The following ERICH1 variants were observed in gnomAD, a reference collection of about 807,000 sequenced individuals.
The protein encoded by ERICH1 is glutamate-rich protein 1.
A neutral mutation model predicts 39.6 loss-of-function variants in ERICH1; 56 were observed. The observed-to-expected ratio is 1.41, with a 90% CI of 1.14 to 1.77. The LOEUF (loss-of-function observed/expected upper bound fraction) is 1.77. Ranked by LOEUF, ERICH1 falls within the 40% of genes most tolerant of loss-of-function variation. The pLI, the probability that ERICH1 is intolerant of heterozygous loss-of-function variation, is 0.00. For synonymous variants in ERICH1, 313 were observed against 223.6 expected (o/e 1.40, Z -3.57); for missense variants, 826 against 575.4 (o/e 1.44, Z -4.45).
chr8:709,560 T>C (rs921996178), intron 2 of ERICH1, among the ~76,000 whole-genome samples: 2 of 152,212 alleles, frequency 1.3e-5, no homozygotes, highest in African/African-American at 4.8e-5. Context: ...CTCACATCAG[T>C]ATTTTGACTT....
intron 3 of ERICH1, among the ~76,000 whole-genome samples, chr8:658,129 G>A (rs1264455293): frequency 1.3e-5 from 2 of 152,210 alleles, no homozygotes; most frequent in Non-Finnish European, 2.9e-5. Context: ...CTCTGGCTGG[G>A]CCCCAGTCTT....
chr8:635,409 C>T (rs1459837076), intron 3 of ERICH1, among the ~76,000 whole-genome samples: 1 of 152,210 alleles, frequency 6.6e-6, no homozygotes, highest in African/African-American at 2.4e-5. Context: ...GGGCTCATCA[C>T]CACTAACAAT....
chr8:637,095 G>C (rs1474886846), intron 3 of ERICH1, among the ~76,000 whole-genome samples: 5 of 152,246 alleles, frequency 3.3e-5, no homozygotes, highest in Non-Finnish European at 7.3e-5. Flanking sequence ...TTGCCTGAAG[G>C]CTAACGACAC....
intron 2 of ERICH1, among the ~76,000 whole-genome samples, chr8:698,267 G>A (rs997773288): frequency 6.6e-6 from 1 of 150,648 alleles, no homozygotes; most frequent in African/African-American, 2.4e-5. Context: ...CACCCAGGCT[G>A]GAGTGCAGCG....
intron 3 of ERICH1, among the ~76,000 whole-genome samples, chr8:650,139 G>A (rs1175731062): frequency 3.9e-5 from 6 of 152,340 alleles, no homozygotes; most frequent in Admixed American, 3.9e-4. Context: ...AGCGCGCAGA[G>A]CTGAGGGCGC....
At chr8:628,744 T>C (rs545965653) in intron 3 of ERICH1, among the ~76,000 whole-genome samples, 1 of 152,308 alleles carries the variant, frequency 6.6e-6, no homozygotes, top group African/African-American at 2.4e-5. Context: ...TACCCTCACG[T>C]AGTCCCTGAA....
At chr8:655,077 A>G (rs1214368133) in intron 3 of ERICH1, among the ~76,000 whole-genome samples, 1 of 152,114 alleles carries the variant, frequency 6.6e-6, no homozygotes, top group Non-Finnish European at 1.5e-5. Flanking sequence ...CAAAAAGGAA[A>G]ACCAACCCCG....
chr8:656,799 C>T, intron 3 of ERICH1: 1 of 985,488 alleles, frequency 1.0e-6, no homozygotes, highest in Non-Finnish European at 1.2e-6. Flanking sequence ...CCCAGACTCC[C>T]AGCCTCAGGA....
intron 2 of ERICH1, among the ~76,000 whole-genome samples, chr8:697,063 G>A (rs1362964314): frequency 6.6e-6 from 1 of 152,186 alleles, no homozygotes; most frequent in African/African-American, 2.4e-5. Flanking sequence ...CCTCCCAGGA[G>A]GCAGCTGGCC....
chr8:657,748 A>G (rs1357894971), intron 3 of ERICH1, among the ~76,000 whole-genome samples: 1 of 152,008 alleles, frequency 6.6e-6, no homozygotes, highest in African/African-American at 2.4e-5. Flanking sequence ...ATGTCATGCC[A>G]TGTTAAATTA....
intron 3 of ERICH1, among the ~76,000 whole-genome samples, chr8:681,315 T>C (rs535013064): frequency 2.0e-5 from 3 of 152,176 alleles, no homozygotes; most frequent in Non-Finnish European, 4.4e-5. Context: ...AAAAAATAGC[T>C]TATAATCTAG....
In ERICH1 at chr8:639,906, C is replaced by T. The variant is rs28521223; in HGVS notation, c.977-24622G>A. On this transcript the variant is annotated intron_variant, in intron 3 of 3. Coordinates refer to the ERICH1 transcript ENST00000522706. The stretch of plus-strand genomic sequence containing the variant: ...GCTCTGTTGTTCACTAGCCTCCTGG[C>T]CTTAATTAAGTTTCTTATTTCCTGA... Among the ~76,000 whole-genome samples the T allele has an allele frequency of 2.2e-5, 3 of 138,202 alleles. No homozygotes were observed. In the East Asian group the frequency reaches 5.9e-4, roughly 27 times the overall value. The allele number at this position is 138,202 out of a possible 152,430, so 90.7% of individuals were successfully genotyped here. A position where few individuals can be genotyped will look rare whatever the true frequency, so the allele number is the denominator to read the frequency against.
intron 2 of ERICH1, among the ~76,000 whole-genome samples, chr8:706,376 A>G (rs1338821561): frequency 6.6e-6 from 1 of 152,224 alleles, no homozygotes; most frequent in African/African-American, 2.4e-5. Context: ...AAAGAAAGCA[A>G]TTCCACTTAC....
chr8:728,822 TAC>T (rs1323830037), intron 1 of ERICH1, among the ~76,000 whole-genome samples: 1 of 152,164 alleles, frequency 6.6e-6, no homozygotes, highest in Non-Finnish European at 1.5e-5. Context: ...TCAAAGGCAA[TAC>T]ATTCTTCTCA....
Position 675,171 on chromosome 8 carries a change from GCGGCGGCCCCTCGTGAGGACAGAGA to G in ERICH1, c.305-1149_305-1125del, listed in dbSNP as rs1563233311. The stretch of plus-strand genomic sequence containing the variant: ...GGCGGCCCCTCGTGAGGACAGAGAC[GCGGCGGCCCCTCGTGAGGACAGAGA>G]CGCGGCGCCCCCTCGTGAGGACAGA... On this transcript the variant is annotated intron_variant, in intron 3 of 5. Transcript: ENST00000262109. Among the ~76,000 whole-genome samples the G allele has an allele frequency of 3.5e-4, 27 of 76,190 alleles. 4 individuals carry two copies. Among genetic ancestry groups the G allele is most frequent in the South Asian group, 1.1e-3 (2 of 1,812 alleles). 50.0% of individuals were successfully genotyped at this position (76,190 alleles called of 152,430 possible). A position where few individuals can be genotyped will look rare whatever the true frequency, so the allele number is the denominator to read the frequency against.
chr8:622,770 T>C (rs1199023530), intron 3 of ERICH1, among the ~76,000 whole-genome samples: 2 of 151,720 alleles, frequency 1.3e-5, no homozygotes, highest in East Asian at 3.9e-4. Flanking sequence ...CTTGGCAACA[T>C]AGTGAGACCG....
At chr8:730,674 GT>G (rs141812093) in intron 1 of ERICH1, among the ~76,000 whole-genome samples, 1,622 of 152,290 alleles carry the variant, frequency 0.011, 24 homozygotes, top group African/African-American at 0.036. Flanking sequence ...TCCACTGAAG[GT>G]AAACACCATG....
intron 3 of ERICH1, among the ~76,000 whole-genome samples, chr8:658,489 C>T (rs1177477237): frequency 6.6e-6 from 1 of 152,226 alleles, no homozygotes; most frequent in Non-Finnish European, 1.5e-5. Flanking sequence ...CCAAACCCCT[C>T]ATCCCATCCC....
intron 3 of ERICH1, among the ~76,000 whole-genome samples, chr8:633,212 G>C (rs1798162634): frequency 6.6e-6 from 1 of 152,124 alleles, no homozygotes; most frequent in East Asian, 1.9e-4. Flanking sequence ...CTATGGCCTG[G>C]CGACTCTGTT....
Sources: allele counts gnomAD v4.1 joint callset (sites outside exome capture counted in the v4.1 genomes callset), GRCh38; gene constraint gnomAD v4.1.1; transcripts MANE v1.5; gene names NCBI Gene and HGNC (gene_info 2026-07-23, HGNC 2026-07-21).